The following STK36 variants were observed in gnomAD, a reference collection of about 807,000 sequenced individuals.
STK36 encodes serine/threonine kinase 36, also known as serine/threonine-protein kinase 36.
Under a neutral mutation model 142.2 loss-of-function variants are expected in STK36, and 116 were observed. That is an observed-to-expected ratio of 0.82 (90% CI 0.70 to 0.95). STK36 has a LOEUF of 0.95. STK36 is among the 40% of genes least tolerant of loss of function. The probability of loss-of-function intolerance (pLI) is 0.00; values close to 1 mark genes in which losing one functional copy is unlikely to be tolerated. For missense variants in STK36, 1,422 were observed against 1,617.2 expected, an observed-to-expected ratio of 0.88 and a Z score of 2.07; for synonymous variants, 619 against 641.7, an observed-to-expected ratio of 0.96 and a Z score of 0.53.
intron 26 of STK36, among the ~76,000 whole-genome samples, chr2:218,700,281 G>GTA (rs1389431744): frequency 6.6e-6 from 1 of 152,086 alleles, no homozygotes; most frequent in East Asian, 1.9e-4. Context: ...TCAGCTCACT[G>GTA]TAACCTCTGC....
At position 218,694,189 on chromosome 2, in the gene STK36, T is replaced by C. The variant is rs1941127776; in HGVS notation, c.2337-75T>C. 5 of 1,322,956 alleles carry C rather than the reference T, an allele frequency of 3.8e-6. No homozygotes were observed. Among genetic ancestry groups the C allele is most frequent in the Admixed American group, 1.7e-5 (1 of 59,498 alleles). 82.0% of individuals were successfully genotyped at this position (1,322,956 alleles called of 1,614,324 possible). On this transcript the variant is annotated intron_variant, in intron 19 of 26. Transcript: ENST00000295709. The surrounding 1 kb of genome is among the most constrained non-coding windows in gnomAD (Gnocchi z 4.4). Reference sequence around the variant, plus strand: ...CATGCAGCCTAGGTGAAGAACACCATGCAAGGGAGAGGGGAGGCCGCTTAC... The same window carrying C: ...CATGCAGCCTAGGTGAAGAACACCACGCAAGGGAGAGGGGAGGCCGCTTAC...
chr2:218,687,492 T>C (rs1940823515), intron 11 of STK36, among the ~76,000 whole-genome samples: 1 of 152,244 alleles, frequency 6.6e-6, no homozygotes, highest in Non-Finnish European at 1.5e-5. Flanking sequence ...CCTGGCACCA[T>C]TTGTGGAAAA....
intron 9 of STK36, among the ~76,000 whole-genome samples, chr2:218,680,370 G>A (rs1940460993): frequency 6.6e-6 from 1 of 152,174 alleles, no homozygotes; most frequent in Non-Finnish European, 1.5e-5. Flanking sequence ...AGCCATAGGT[G>A]AAAACTGCAA....
chr2:218,684,414 C>CTTTTT (rs779556469), intron 10 of STK36, among the ~76,000 whole-genome samples: 8,618 of 49,372 alleles, frequency 0.17, 2,550 homozygotes, highest in Non-Finnish European at 0.24. Context: ...TGCGCCTGGC[C>CTTTTT]TTTTTTTTTT....
intron 4 of STK36, among the ~76,000 whole-genome samples, chr2:218,674,750 G>A (rs1022606473): frequency 2.0e-5 from 3 of 151,998 alleles, no homozygotes; most frequent in African/African-American, 7.3e-5. Context: ...TATAGCATGC[G>A]CCACCATGCC....
chr2:218,688,713 TG>T lies in STK36; in HGVS notation c.1399del (p.Glu467ArgfsTer13), dbSNP rs763400883. 47 of 1,612,492 alleles carry T rather than the reference TG, an allele frequency of 2.9e-5. 1 individual carries two copies. The highest frequency in any genetic ancestry group is 3.7e-5 in the Non-Finnish European group (44 of 1,179,522). On this transcript the variant is annotated frameshift_variant, in exon 12 of 27. Coordinates refer to ENST00000295709, the MANE Select transcript of STK36 (RefSeq NM_015690.5). LOFTEE classifies it high-confidence loss of function. ...GTCACCCAGATCCTGAAAGGCATCT[TG>T]GAGGGTGCTTCCCACATCCTGCCTG... ...EAGGQILKGI[L>X]EGASHILPAF... is the part of the protein sequence containing the mutation.
chr2:218,675,206 A>T, intron 4 of STK36, 137 bp from the exon 5 acceptor site: 1 of 930,822 alleles, frequency 1.1e-6, no homozygotes, highest in Non-Finnish European at 1.5e-6. Context: ...ACAATAACTA[A>T]GAAAGAATAG....
intron 14 of STK36, among the ~76,000 whole-genome samples, chr2:218,691,041 C>T: frequency 6.6e-6 from 1 of 151,784 alleles, no homozygotes; most frequent in Admixed American, 6.6e-5. Context: ...TTCAGGGGAC[C>T]ACAAATAGAA....
Position 218,672,231 on chromosome 2 carries a change from G to T in STK36, c.-90+16G>T, listed in dbSNP as rs1365716967. 2 of 549,014 alleles carry T rather than the reference G, an allele frequency of 3.6e-6. No homozygotes were observed. The highest frequency in any genetic ancestry group is 6.4e-5 in the Admixed American group (2 of 31,364). The allele number at this position is 549,014 out of a possible 1,614,324, so 34.0% of individuals were successfully genotyped here. ...GAGTAAAATTGTAAGAAAGGGAGCC[G>T]AAAGAGACCGGAGGGAGAGGCGGGT... On this transcript the variant is annotated intron_variant, in intron 1 of 26. Transcript: ENST00000295709.
Position 218,698,018 on chromosome 2 carries a change from C to T in STK36, c.3057+17C>T. The T allele has an allele frequency of 1.2e-6, 2 of 1,613,946 alleles. No individual in the cohort carries two copies. The highest frequency in any genetic ancestry group is 1.7e-6 in the Non-Finnish European group (2 of 1,179,968). Reference sequence around the variant, plus strand: ...CTGCTGCAGGTACTTGGGCAGCTAGCATGAAGGTGGGAGAGGAAGATAGCC... The same window carrying T: ...CTGCTGCAGGTACTTGGGCAGCTAGTATGAAGGTGGGAGAGGAAGATAGCC... On this transcript the variant is annotated intron_variant, in intron 25 of 26. Transcript: ENST00000295709.
rs1018105437 is a variant in STK36, at chr2:218,674,079, C to T, written c.303+123C>T. 6.7e-6 allele frequency: 6 copies of T among 896,528 alleles called. No homozygotes were observed. The African/African-American group carries it at 1.0e-4, about 15-fold the overall frequency. The allele number at this position is 896,528 out of a possible 1,614,324, so 55.5% of individuals were successfully genotyped here. A position where few individuals can be genotyped will look rare whatever the true frequency, so the allele number is the denominator to read the frequency against. On this transcript the variant is annotated intron_variant, in intron 4 of 26. Coordinates refer to ENST00000295709, the MANE Select transcript of STK36 (RefSeq NM_015690.5). ...AGACTTCTGAGAAGAATATAAGAGT[C>T]TAGGTATATAGAGGCAGTGTAGTGT...
intron 16 of STK36, 59 bp from the exon 17 acceptor site, chr2:218,693,181 G>C: frequency 6.9e-7 from 1 of 1,439,978 alleles, no homozygotes; most frequent in Non-Finnish European, 9.7e-7. Flanking sequence ...TTGGACATAT[G>C]TGAGGAATAG....
intron 10 of STK36, among the ~76,000 whole-genome samples, chr2:218,682,299 C>G (rs1349238388): frequency 6.6e-6 from 1 of 152,156 alleles, no homozygotes; most frequent in East Asian, 1.9e-4. Context: ...TCCTCTCTCT[C>G]TCTCTCCCCC....
Position 218,672,121 on chromosome 2 carries a change from G to A in STK36, c.-184G>A, listed in dbSNP as rs1020579497. On this transcript the variant is annotated 5_prime_UTR_variant, in exon 1 of 27. Transcript: ENST00000295709. ...GATGGCCCTGAGGCAGTTCGGATGTGTCCCAGGAAGTGCCCATGTGTGGTC... is the reference window on the plus strand; with the variant it reads ...GATGGCCCTGAGGCAGTTCGGATGTATCCCAGGAAGTGCCCATGTGTGGTC... The A allele has an allele frequency of 1.2e-6, 1 of 853,888 alleles. No homozygotes were observed. Among genetic ancestry groups the A allele is most frequent in the Admixed American group, 2.3e-5 (1 of 43,432 alleles). The allele number at this position is 853,888 out of a possible 1,614,324, so 52.9% of individuals were successfully genotyped here.
Position 218,685,344 on chromosome 2 carries a change from A to G in STK36, c.1380+116A>G, listed in dbSNP as rs75605985. On this transcript the variant is annotated intron_variant, in intron 11 of 26. Coordinates refer to ENST00000295709, the MANE Select transcript of STK36 (RefSeq NM_015690.5). The stretch of plus-strand genomic sequence containing the variant: ...TTGTCCTTTTCCAGTTCTTCAGTCT[A>G]TCTGCTTAGTTTGAGGAGGTTTACC... The G allele has an allele frequency of 2.3e-3, 3,184 of 1,383,874 alleles. 55 individuals are homozygous for G. The African/African-American group carries it at 0.04, about 17-fold the overall frequency. 85.7% of individuals were successfully genotyped at this position (1,383,874 alleles called of 1,614,324 possible). A position where few individuals can be genotyped will look rare whatever the true frequency, so the allele number is the denominator to read the frequency against.
In STK36 at chr2:218,697,290, C is replaced by A. The variant is rs985547146; in HGVS notation, c.2761+77C>A. 5 of 1,540,844 alleles carry A rather than the reference C, an allele frequency of 3.2e-6. No individual in the cohort carries two copies. In the African/African-American group the frequency reaches 6.9e-5, roughly 21 times the overall value. On this transcript the variant is annotated intron_variant, in intron 23 of 26. Transcript: ENST00000295709. Reference sequence around the variant, plus strand: ...GGAGGCAGCCCAGAACTGGGTTAACCCACAGAGGTTTATTTTTTTTGCTTT... The same window carrying A: ...GGAGGCAGCCCAGAACTGGGTTAACACACAGAGGTTTATTTTTTTTGCTTT...
chr2:218,698,704 A>T lies in STK36; in HGVS notation c.3160A>T (p.Thr1054Ser). 7 of 1,614,148 alleles carry T rather than the reference A, an allele frequency of 4.3e-6. No individual in the cohort carries two copies. Among genetic ancestry groups the T allele is most frequent in the Non-Finnish European group, 5.1e-6 (6 of 1,180,034 alleles). Residue 1054 changes from threonine (T) to serine (S), a missense_variant, in exon 26 of 27, where the codon ACA becomes TCA. Physicochemically the swap from Thr to Ser is moderately conservative, Grantham distance 58 (BLOSUM62 1). Transcript: ENST00000295709. ...CACCTCTCTCAACCAGTTTGTGAAC[A>T]CAGTGTCTGCCTCCCCTAGAACCAT... Reference protein sequence around the residue: ...DPTSLNQFVNTVSASPRTIVS... With the variant: ...DPTSLNQFVNSVSASPRTIVS...
At chr2:218,675,963 T>G in intron 5 of STK36, 66 bp from the exon 6 acceptor site, 2 of 1,587,176 alleles carry the variant, frequency 1.3e-6, no homozygotes, top group Non-Finnish European at 1.7e-6. Flanking sequence ...ATCTCTATGT[T>G]AGGTAGTAGT....
At chr2:218,681,369 T>G (rs1402780206) in intron 10 of STK36, among the ~76,000 whole-genome samples, 1 of 152,158 alleles carries the variant, frequency 6.6e-6, no homozygotes, top group Non-Finnish European at 1.5e-5. Flanking sequence ...TCAGGTGATC[T>G]GCCTGCCTCA....
Sources: gnomAD v4.1 joint callset for allele counts (sites outside exome capture counted in the v4.1 genomes callset) on GRCh38, gnomAD v4.1.1 for gene constraint, Gnocchi (gnomAD v3.1) non-coding constraint, MANE v1.5 for transcripts, NCBI Gene and HGNC (gene_info 2026-07-23, HGNC 2026-07-21) for gene names.